Variants in SOX5 observed in about 807,000 individuals in gnomAD.
SOX5 encodes SRY-box transcription factor 5, also known as transcription factor SOX-5.
A neutral mutation model predicts 92.0 loss-of-function variants in SOX5; 9 were observed. That is an observed-to-expected ratio of 0.10 (90% confidence interval 0.06 to 0.17). SOX5 has a LOEUF of 0.17. Among genes scored for constraint, SOX5 ranks in the 10% least tolerant of loss-of-function variants. SOX5 has a pLI of 1.00. For missense variants in SOX5, 642 were observed against 944.5 expected, an observed-to-expected ratio of 0.68 and a Z score of 4.20; for synonymous variants, 344 against 336.3, an observed-to-expected ratio of 1.02 and a Z score of -0.25.
chr12:23,563,242 T>C lies in SOX5; in HGVS notation c.1488+16A>G. 1 of 1,584,388 alleles carries C rather than the reference T, an allele frequency of 6.3e-7. No individual in the cohort carries two copies. The highest frequency in any genetic ancestry group is 2.3e-5 in the East Asian group (1 of 44,266). ...AATTAAGTATTTCTAGAAAGTAAGT[T>C]ATTTTATGAACTGACCTTTTCTGTT... On this transcript the variant is annotated intron_variant, in intron 11 of 14. Coordinates refer to ENST00000451604, the MANE Select transcript of SOX5 (RefSeq NM_006940.6).
At chr12:24,314,534 AT>A (rs1949521492) in intron 2 of SOX5, among the ~76,000 whole-genome samples, 1 of 149,838 alleles carries the variant, frequency 6.7e-6, no homozygotes, top group African/African-American at 2.5e-5. Flanking sequence ...AAATTAAAAA[AT>A]AAAAAAAAAA....
chr12:23,872,805 A>G (rs946768175), intron 2 of SOX5, among the ~76,000 whole-genome samples: 3 of 152,198 alleles, frequency 2.0e-5, no homozygotes, highest in Admixed American at 1.3e-4. Context: ...TAAAGATTGC[A>G]TATGGAGAAC....
chr12:24,350,047 G>A (rs1021613593), intron 2 of SOX5, among the ~76,000 whole-genome samples: 1 of 152,196 alleles, frequency 6.6e-6, no homozygotes, highest in African/African-American at 2.4e-5. Flanking sequence ...TGCCAAAGGA[G>A]ATTGAGAAAC....
At chr12:24,321,220 C>T (rs1419407268) in intron 2 of SOX5, among the ~76,000 whole-genome samples, 2 of 152,194 alleles carry the variant, frequency 1.3e-5, no homozygotes, top group Admixed American at 6.5e-5. Context: ...GATATTTATA[C>T]ATGAGAGGTG....
intron 3 of SOX5, among the ~76,000 whole-genome samples, chr12:24,229,805 A>T (rs1962981046): frequency 6.6e-6 from 1 of 152,194 alleles, no homozygotes; most frequent in Admixed American, 6.5e-5. Flanking sequence ...GACCGCTAGC[A>T]ATAAAAGGGG....
intron 1 of SOX5, among the ~76,000 whole-genome samples, chr12:23,932,057 C>CA (rs113838914): frequency 0.027 from 3,772 of 140,112 alleles, 120 homozygotes; most frequent in African/African-American, 0.086. Flanking sequence ...AAATCTAAGC[C>CA]AAAAAAAAAA....
At chr12:23,599,322 C>T (rs932886128) in intron 9 of SOX5, among the ~76,000 whole-genome samples, 51 of 152,288 alleles carry the variant, frequency 3.3e-4, no homozygotes, top group African/African-American at 1.2e-3. Flanking sequence ...TCTGGCTTGT[C>T]GGAGAAATAT....
At chr12:23,973,860 T>G (rs1948623381) in intron 4 of SOX5, among the ~76,000 whole-genome samples, 1 of 152,182 alleles carries the variant, frequency 6.6e-6, no homozygotes, top group African/African-American at 2.4e-5. Context: ...GCGAGGGATC[T>G]AGGTTGCGCG....
chr12:23,903,068 A>C (rs935641952), intron 1 of SOX5, among the ~76,000 whole-genome samples: 7 of 152,166 alleles, frequency 4.6e-5, no homozygotes, highest in African/African-American at 1.7e-4. Context: ...CTACTCATCC[A>C]TTTATCCACC....
At chr12:24,048,712 C>T (rs78609098) in intron 4 of SOX5, among the ~76,000 whole-genome samples, 9,026 of 152,112 alleles carry the variant, frequency 0.059, 288 homozygotes, top group Middle Eastern at 0.11. Context: ...TACCACAGGA[C>T]GAACGAAGCT....
At chr12:24,126,351 A>G (rs1949103504) in intron 4 of SOX5, among the ~76,000 whole-genome samples, 1 of 152,194 alleles carries the variant, frequency 6.6e-6, no homozygotes, top group Admixed American at 6.5e-5. Flanking sequence ...TGCTCAAAAC[A>G]GGACCCATTC....
chr12:24,203,922 T>C (rs978464154), intron 4 of SOX5, among the ~76,000 whole-genome samples: 8 of 152,176 alleles, frequency 5.3e-5, no homozygotes, highest in Non-Finnish European at 8.8e-5. Flanking sequence ...ATACTCTAAT[T>C]CACTTCAATT....
intron 2 of SOX5, among the ~76,000 whole-genome samples, chr12:23,860,101 C>T (rs2096738041): frequency 6.6e-6 from 1 of 151,886 alleles, no homozygotes; most frequent in Non-Finnish European, 1.5e-5. Context: ...ATGATAAGAA[C>T]TTATGAACAC....
At position 24,254,490 on chromosome 12, in the gene SOX5, C is replaced by T. The variant is rs376347671; in HGVS notation, c.-77+22726G>A. 9.9e-5 allele frequency among the ~76,000 whole-genome samples: 15 copies of T among 151,622 alleles called. No homozygotes were observed. The South Asian group carries it at 2.5e-3, about 25-fold the overall frequency. On this transcript the variant is annotated intron_variant, in intron 3 of 4. Transcript: ENST00000446891. Reference sequence around the variant, plus strand: ...TGCTCCAAACACCTATATTAGCCTACAGTAGGGAAAAAAAATCATCTAATA... The same window carrying T: ...TGCTCCAAACACCTATATTAGCCTATAGTAGGGAAAAAAAATCATCTAATA...
chr12:23,868,973 C>A (rs895936575), intron 2 of SOX5, among the ~76,000 whole-genome samples: 3 of 152,076 alleles, frequency 2.0e-5, no homozygotes, highest in Non-Finnish European at 2.9e-5. Flanking sequence ...CTTCATCTAC[C>A]TTTTCAACTT....
At chr12:23,997,662 T>G (rs1951165837) in intron 4 of SOX5, among the ~76,000 whole-genome samples, 1 of 152,134 alleles carries the variant, frequency 6.6e-6, no homozygotes. Flanking sequence ...TATCTGAACT[T>G]TCAATGTGTT....
At chr12:23,721,589 T>C (rs2092818049) in intron 6 of SOX5, among the ~76,000 whole-genome samples, 1 of 152,164 alleles carries the variant, frequency 6.6e-6, no homozygotes, top group Non-Finnish European at 1.5e-5. Flanking sequence ...CCTGTAACAG[T>C]TCGCAGAATG....
At chr12:23,825,895 C>CG (rs1386808483) in intron 3 of SOX5, among the ~76,000 whole-genome samples, 1 of 152,060 alleles carries the variant, frequency 6.6e-6, no homozygotes, top group Non-Finnish European at 1.5e-5. Flanking sequence ...ATTAAGAACT[C>CG]TAAGATTTAC....
chr12:24,253,751 G>GT (rs1344533822), intron 3 of SOX5, among the ~76,000 whole-genome samples: 1 of 152,130 alleles, frequency 6.6e-6, no homozygotes, highest in Non-Finnish European at 1.5e-5. Flanking sequence ...CAAATTTCCT[G>GT]TGAAAGGATG....
Sources: allele counts gnomAD v4.1 joint callset (sites outside exome capture counted in the v4.1 genomes callset), GRCh38; gene constraint gnomAD v4.1.1; transcripts MANE v1.5; gene names NCBI Gene and HGNC (gene_info 2026-07-23, HGNC 2026-07-21).